DYSF: variants seen among roughly 807,000 people sequenced by gnomAD.
DYSF encodes the protein dysferlin.
Under a neutral mutation model 274.9 loss-of-function variants are expected in DYSF, and 212 were observed. The ratio of observed to expected loss-of-function variants is 0.77; its 90% CI spans 0.69 to 0.86. The LOEUF is 0.86. Among genes scored for constraint, DYSF ranks in the 40% least tolerant of loss-of-function variants. The probability of loss-of-function intolerance (pLI) is 0.00; values close to 1 mark genes in which losing one functional copy is unlikely to be tolerated. For synonymous variants in DYSF, 1,091 were observed against 1,078.7 expected (o/e 1.01, Z -0.22); for missense variants, 2,666 against 2,783.2 (o/e 0.96, Z 0.95).
intron 41 of DYSF, among the ~76,000 whole-genome samples, chr2:71,639,337 A>AT (rs1275758996): frequency 6.6e-6 from 1 of 152,198 alleles, no homozygotes; most frequent in Non-Finnish European, 1.5e-5. Flanking sequence ...TTATTTAAAA[A>AT]TTTTTAATTT....
chr2:71,563,236 G>A (rs1487674809), intron 23 of DYSF, among the ~76,000 whole-genome samples: 1 of 152,230 alleles, frequency 6.6e-6, no homozygotes, highest in Admixed American at 6.5e-5. Flanking sequence ...AGCTCTCAAA[G>A]CCTGAATTTC....
At chr2:71,582,721 G>A (rs974658722) in intron 30 of DYSF, among the ~76,000 whole-genome samples, 1 of 152,178 alleles carries the variant, frequency 6.6e-6, no homozygotes, top group Non-Finnish European at 1.5e-5. Flanking sequence ...TTTCCATGGT[G>A]TAGCTGTTCC....
intron 26 of DYSF, among the ~76,000 whole-genome samples, chr2:71,569,358 C>G (rs1291137006): frequency 6.6e-6 from 1 of 152,174 alleles, no homozygotes; most frequent in African/African-American, 2.4e-5. Flanking sequence ...TGGTCCTTCT[C>G]CATGTCTATT....
At chr2:71,571,385 T>TCAGCACACACAGATCACACC (rs1339780518) in intron 29 of DYSF, among the ~76,000 whole-genome samples, 4 of 55,168 alleles carry the variant, frequency 7.3e-5, no homozygotes, top group Non-Finnish European at 1.4e-4. Flanking sequence ...CAGATCACAG[T>TCAGCACACACAGATCACACC]CAGCACACAC....
chr2:71,510,954 T>C (rs2086025739), intron 4 of DYSF, among the ~76,000 whole-genome samples: 1 of 152,262 alleles, frequency 6.6e-6, no homozygotes, highest in South Asian at 2.1e-4. Flanking sequence ...TTAAGCTTTC[T>C]GTGCTTCCCA....
intron 22 of DYSF, among the ~76,000 whole-genome samples, chr2:71,557,527 T>C (rs4419251): frequency 6.6e-6 from 1 of 151,546 alleles, no homozygotes; most frequent in African/African-American, 2.4e-5. Flanking sequence ...ATGTGAGGAA[T>C]GGACTGGTGG....
rs1356610002 is a variant in DYSF, at chr2:71,556,062, C to T, written c.2207C>T (p.Ala736Val). The T allele has an allele frequency of 1.3e-6, 2 of 1,569,722 alleles. No homozygotes were observed. The highest frequency in any genetic ancestry group is 1.9e-5 in the Admixed American group (1 of 52,600). ...LVAQLTDELIAGCSQPLGDIH... is the reference protein window; with the variant it reads ...LVAQLTDELIVGCSQPLGDIH... ...GCTCAGCTGACGGATGAGCTCATCG[C>T]AGGCTGCAGGTAGGGGGGACCTGGC... is the stretch of plus-strand genomic sequence containing the variant. The change falls in exon 22 of 56, where the codon GCA (alanine) becomes GTA (valine). Residue 736 changes from alanine (A) to valine (V), a missense_variant. Around this residue, in one of 3 missense-constraint regions of DYSF, gnomAD observed 412 missense variants for 504.0 expected, o/e 0.82. Transcript: ENST00000410020.
At chr2:71,610,330 G>T (rs1199458083) in intron 36 of DYSF, among the ~76,000 whole-genome samples, 1 of 152,174 alleles carries the variant, frequency 6.6e-6, no homozygotes, top group East Asian at 1.9e-4. Flanking sequence ...ACCTTTAGAG[G>T]TTGACAACTT....
chr2:71,669,194 A>G lies in DYSF; in HGVS notation c.5629A>G (p.Ile1877Val). 1 of 1,607,784 alleles carries G rather than the reference A, an allele frequency of 6.2e-7. No homozygotes were observed. ...LSLTGEKMSD[I>V]YVKGWMIGFE... ...CCTCACGGGGGAGAAGATGAGCGAC[A>G]TTTATGTGAAAGGGTAGGGAGCCAG... is the stretch of plus-strand genomic sequence containing the variant. The change falls in exon 50 of 56, where the codon ATT becomes GTT. Residue 1877 changes from isoleucine to valine, a missense_variant. Ile to Val is a conservative substitution (Grantham distance 29). Coordinates refer to ENST00000410020, the MANE Select transcript of DYSF (RefSeq NM_001130987.2).
intron 30 of DYSF, among the ~76,000 whole-genome samples, chr2:71,582,689 C>T (rs187121864): frequency 7.2e-5 from 11 of 152,272 alleles, no homozygotes; most frequent in South Asian, 6.2e-4. Context: ...AATCCCCAGC[C>T]CTGGTTTGTA....
At chr2:71,677,488 A>G (rs2095240531) in intron 52 of DYSF, among the ~76,000 whole-genome samples, 1 of 152,214 alleles carries the variant, frequency 6.6e-6, no homozygotes, top group Non-Finnish European at 1.5e-5. Flanking sequence ...AGTTAAATAC[A>G]AGAATTTTCA....
chr2:71,686,648 G>A lies in DYSF; in HGVS notation c.*156G>A, dbSNP rs761369441. 115 of 842,986 alleles carry A rather than the reference G, an allele frequency of 1.4e-4. No homozygotes were observed. The highest frequency in any genetic ancestry group is 2.1e-4 in the Non-Finnish European group (105 of 503,486). 52.2% of individuals were successfully genotyped at this position (842,986 alleles called of 1,614,324 possible). ...ACAGATGGACCGGCCCACACTCCCA[G>A]AGTTGCTAACATGGAGCTCTGAGAT... is the stretch of plus-strand genomic sequence containing the variant. On this transcript the variant is annotated 3_prime_UTR_variant, in exon 56 of 56. Coordinates refer to ENST00000410020, the MANE Select transcript of DYSF (RefSeq NM_001130987.2).
intron 1 of DYSF, among the ~76,000 whole-genome samples, chr2:71,473,124 T>C (rs1451186777): frequency 1.3e-5 from 2 of 152,142 alleles, no homozygotes; most frequent in Admixed American, 1.3e-4. Context: ...GCTCTGCTGA[T>C]GATAGGGGAG....
At chr2:71,572,232 T>TGCACAGATCACAACCA (rs70959302) in intron 29 of DYSF, among the ~76,000 whole-genome samples, 119,626 of 128,908 alleles carry the variant, frequency 0.93, 55,315 homozygotes, top group East Asian at 0.98. Context: ...ACCCAGCACA[T>TGCACAGATCACAACCA]GCACAGATCA....
At chr2:71,553,685 G>A (rs1176783900) in intron 20 of DYSF, 122 bp from the exon 21 acceptor site, 10 of 1,267,076 alleles carry the variant, frequency 7.9e-6, no homozygotes, top group South Asian at 2.6e-5. Context: ...TCCCACGTGT[G>A]GTCCCTTTCC....
At chr2:71,493,768 C>T (rs753822257) in intron 3 of DYSF, among the ~76,000 whole-genome samples, 26 of 136,596 alleles carry the variant, frequency 1.9e-4, no homozygotes, top group Non-Finnish European at 1.5e-5. Flanking sequence ...AGGAGAATTG[C>T]TTGAACCCAG....
At chr2:71,508,776 A>G (rs991607127) in intron 4 of DYSF, among the ~76,000 whole-genome samples, 1 of 152,140 alleles carries the variant, frequency 6.6e-6, no homozygotes, top group Admixed American at 6.5e-5. Flanking sequence ...TTCTCATGTC[A>G]GAATTTTGTG....
Position 71,480,874 on chromosome 2 carries a change from C to G in DYSF, c.92-9C>G. ...TGTCTCTCCATTCTCCCTTTTGTGT[C>G]TCTTGTAGGGGTGAAGAAGAGAACC... On this transcript the variant is annotated splice_polypyrimidine_tract_variant and intron_variant, in intron 1 of 55. Coordinates refer to ENST00000410020, the MANE Select transcript of DYSF (RefSeq NM_001130987.2). 1 of 1,613,400 alleles carries G rather than the reference C, an allele frequency of 6.2e-7. No individual in the cohort carries two copies. Among genetic ancestry groups the G allele is most frequent in the Non-Finnish European group, 8.5e-7 (1 of 1,179,326 alleles).
intron 4 of DYSF, among the ~76,000 whole-genome samples, chr2:71,505,318 G>T (rs1157010678): frequency 6.6e-5 from 10 of 152,338 alleles, no homozygotes; most frequent in Non-Finnish European, 1.5e-4. Flanking sequence ...AACATTGAGG[G>T]TTCTCGCTGG....
Sources: allele counts gnomAD v4.1 joint callset (sites outside exome capture counted in the v4.1 genomes callset), GRCh38; gene constraint gnomAD v4.1.1; regional missense constraint gnomAD v4.1.1; transcripts MANE v1.5; gene names NCBI Gene and HGNC (gene_info 2026-07-23, HGNC 2026-07-21).